The following SLC24A4 variants were observed in gnomAD, a reference collection of about 807,000 sequenced individuals.
SLC24A4 encodes the protein sodium/potassium/calcium exchanger 4.
SLC24A4 carries 53 observed loss-of-function variants against 79.0 expected under a neutral mutation model. That is an observed-to-expected ratio of 0.67 (90% CI 0.54 to 0.84). The LOEUF (loss-of-function observed/expected upper bound fraction) is 0.84, where lower values mean the gene tolerates loss of function less well. Among genes scored for constraint, SLC24A4 ranks in the 40% least tolerant of loss-of-function variants. SLC24A4 has a pLI of 0.00. For missense variants in SLC24A4, 731 were observed against 822.0 expected (o/e 0.89, Z 1.35); for synonymous variants, 323 against 323.8 (o/e 1.00, Z 0.03).
chr14:92,460,418 G>A (rs150186753), intron 12 of SLC24A4, among the ~76,000 whole-genome samples: 88 of 152,308 alleles, frequency 5.8e-4, no homozygotes, highest in African/African-American at 2.0e-3. Flanking sequence ...CTTTAACCAT[G>A]TGGCTTCTGT....
chr14:92,491,843 A>G, intron 15 of SLC24A4, 66 bp downstream of exon 15: 1 of 1,304,856 alleles, frequency 7.7e-7, no homozygotes, highest in East Asian at 2.3e-5. Flanking sequence ...GCCCAGTTCC[A>G]GCCAGAGGCT....
intron 2 of SLC24A4, among the ~76,000 whole-genome samples, chr14:92,369,667 A>C (rs1888040219): frequency 1.3e-5 from 2 of 152,236 alleles, no homozygotes; most frequent in African/African-American, 2.4e-5. Flanking sequence ...AGGTACAAGC[A>C]CAGTTTCTTG....
At position 92,418,859 on chromosome 14, in the gene SLC24A4, G is replaced by A. The variant is rs944613492; in HGVS notation, c.242-15053G>A. On this transcript the variant is annotated intron_variant, in intron 2 of 16. Coordinates refer to ENST00000532405, the MANE Select transcript of SLC24A4 (RefSeq NM_153646.4). ...TGGGATTATAGGCACCTGCCACCAC[G>A]CCTGGCTAATTTTTGTATTTTTAGT... 4.6e-5 allele frequency among the ~76,000 whole-genome samples: 7 copies of A among 152,040 alleles called. No homozygotes were observed. In the South Asian group the frequency reaches 6.2e-4, roughly 14 times the overall value.
intron 2 of SLC24A4, among the ~76,000 whole-genome samples, chr14:92,386,868 G>C (rs375501532): frequency 6.6e-6 from 1 of 152,204 alleles, no homozygotes; most frequent in Non-Finnish European, 1.5e-5. Flanking sequence ...TGAAATTGCA[G>C]GTGGTGAAAT....
At chr14:92,415,819 A>G (rs1481281072) in intron 2 of SLC24A4, among the ~76,000 whole-genome samples, 1 of 151,848 alleles carries the variant, frequency 6.6e-6, no homozygotes, top group East Asian at 1.9e-4. Flanking sequence ...GTATTTGGTT[A>G]TGCAAGTAAG....
intron 12 of SLC24A4, among the ~76,000 whole-genome samples, chr14:92,460,612 A>C (rs1203838276): frequency 1.3e-5 from 2 of 152,152 alleles, no homozygotes; most frequent in Non-Finnish European, 2.9e-5. Context: ...CAGTCAGTAA[A>C]CAGTTAGGGC....
intron 2 of SLC24A4, among the ~76,000 whole-genome samples, chr14:92,334,764 T>C (rs1420769528): frequency 6.6e-6 from 1 of 152,080 alleles, no homozygotes; most frequent in Non-Finnish European, 1.5e-5. Flanking sequence ...TTCTCTTTTG[T>C]AAAATGAGGA....
At chr14:92,334,356 C>T (rs1466845911) in intron 2 of SLC24A4, among the ~76,000 whole-genome samples, 1 of 152,142 alleles carries the variant, frequency 6.6e-6, no homozygotes, top group Non-Finnish European at 1.5e-5. Flanking sequence ...TAGGCTGGCA[C>T]AGCCACCAAT....
chr14:92,424,860 C>T (rs576162815), intron 2 of SLC24A4, among the ~76,000 whole-genome samples: 7 of 150,478 alleles, frequency 4.7e-5, no homozygotes, highest in South Asian at 4.2e-4. Context: ...CCAGCCTGGG[C>T]GACAGAGCAA....
intron 3 of SLC24A4, among the ~76,000 whole-genome samples, chr14:92,436,995 G>A (rs141945313): frequency 6.6e-6 from 1 of 152,302 alleles, no homozygotes; most frequent in East Asian, 1.9e-4. Context: ...TGCAGCTAAT[G>A]TATCTTCTAC....
At chr14:92,341,807 A>G (rs1886159132) in intron 2 of SLC24A4, among the ~76,000 whole-genome samples, 2 of 152,244 alleles carry the variant, frequency 1.3e-5, no homozygotes, top group African/African-American at 4.8e-5. Flanking sequence ...GCAGCAGAAC[A>G]GAATAGCTGT....
chr14:92,494,311 T>TA lies in SLC24A4; in HGVS notation c.*689dup, dbSNP rs1314635776. 1 of 152,740 alleles carries TA rather than the reference T, an allele frequency of 6.5e-6. No homozygotes were observed. Among genetic ancestry groups the TA allele is most frequent in the East Asian group, 1.9e-4 (1 of 5,190 alleles). The allele number at this position is 152,740 out of a possible 1,614,324, so 9.5% of individuals were successfully genotyped here. A position where few individuals can be genotyped will look rare whatever the true frequency, so the allele number is the denominator to read the frequency against. ...ATTCAGAGAATAAGCAATGAAATAT[T>TA]AAAAAATGAAACATCATATAGGTCA... On this transcript the variant is annotated 3_prime_UTR_variant, in exon 17 of 17. Coordinates refer to ENST00000532405, the MANE Select transcript of SLC24A4 (RefSeq NM_153646.4). This position sits in a 1 kb window ranked among gnomAD's most constrained non-coding sequence, Gnocchi z 4.6.
At chr14:92,329,402 G>A (rs1461594838) in intron 2 of SLC24A4, among the ~76,000 whole-genome samples, 7 of 152,328 alleles carry the variant, frequency 4.6e-5, no homozygotes, top group Admixed American at 1.3e-4. Flanking sequence ...CATGGAAAAC[G>A]GGCTCTGCCT....
intron 10 of SLC24A4, 89 bp downstream of exon 10, chr14:92,449,305 C>G: frequency 3.1e-6 from 4 of 1,302,340 alleles, no homozygotes; most frequent in South Asian, 1.4e-5. Flanking sequence ...CACACACACA[C>G]ACACACACAC....
chr14:92,454,251 C>A (rs1186763210), intron 11 of SLC24A4, among the ~76,000 whole-genome samples, 182 bp downstream of exon 11: 1 of 152,200 alleles, frequency 6.6e-6, no homozygotes, highest in Admixed American at 6.5e-5. Flanking sequence ...TATTTTAAAG[C>A]CTGCAGCAAT....
intron 2 of SLC24A4, among the ~76,000 whole-genome samples, chr14:92,363,385 C>T (rs1420643252): frequency 2.6e-5 from 4 of 152,250 alleles, no homozygotes; most frequent in South Asian, 4.1e-4. Context: ...CCACTGGCTA[C>T]CAGCAGATGG....
Position 92,456,573 on chromosome 14 carries a change from T to C in SLC24A4, c.1220T>C (p.Val407Ala), listed in dbSNP as rs2139849849. ...CCACCACCGCCAGAGCCAGAGCCGG[T>C]GGAGGCTGACTTCCTGTCCCCCTTC... The part of the protein sequence containing the change: ...PQPPPPEPEP[V>A]EADFLSPFSV... The change falls in exon 12 of 17, where the codon GTG (valine) becomes GCG (alanine). Residue 407 changes from valine (V) to alanine (A), a missense_variant. Coordinates refer to ENST00000532405, the MANE Select transcript of SLC24A4 (RefSeq NM_153646.4). 1 of 1,613,892 alleles carries C rather than the reference T, an allele frequency of 6.2e-7. No homozygotes were observed. The highest frequency in any genetic ancestry group is 8.5e-7 in the Non-Finnish European group (1 of 1,179,942).
chr14:92,491,791 A>C lies in SLC24A4; in HGVS notation c.1650+14A>C. On this transcript the variant is annotated intron_variant, in intron 15 of 16. Coordinates refer to ENST00000532405, the MANE Select transcript of SLC24A4 (RefSeq NM_153646.4). ...TATGGATCAACAGTAAGTTCCTCTC[A>C]CCTTTAACAGATGTGTTTTACCCAG... 2 of 1,586,400 alleles carry C rather than the reference A, an allele frequency of 1.3e-6. No individual in the cohort carries two copies. The highest frequency in any genetic ancestry group is 1.7e-6 in the Non-Finnish European group (2 of 1,154,820).
At chr14:92,458,354 G>A (rs1566783606) in intron 12 of SLC24A4, among the ~76,000 whole-genome samples, 1 of 152,162 alleles carries the variant, frequency 6.6e-6, no homozygotes, top group Admixed American at 6.5e-5. Context: ...CCAGAAGGCC[G>A]AGGGGATTGG....
Sources: gnomAD v4.1 joint callset for allele counts (sites outside exome capture counted in the v4.1 genomes callset) on GRCh38, gnomAD v4.1.1 for gene constraint, Gnocchi (gnomAD v3.1) non-coding constraint, MANE v1.5 for transcripts, NCBI Gene and HGNC (gene_info 2026-07-23, HGNC 2026-07-21) for gene names.